Variants in ATG7 observed in about 807,000 individuals in gnomAD.
ATG7 encodes ubiquitin-like modifier-activating enzyme ATG7.
ATG7 carries 70 observed loss-of-function variants against 82.4 expected under a neutral mutation model. That is an observed-to-expected ratio of 0.85 (90% CI 0.70 to 1.04). The LOEUF is 1.04. Ranked by LOEUF, ATG7 falls within the 50% of genes least tolerant of loss-of-function variation. ATG7 has a pLI of 0.00. For missense variants in ATG7, 792 were observed against 864.3 expected (o/e 0.92, Z 1.05); for synonymous variants, 287 against 313.0 (o/e 0.92, Z 0.88).
intron 14 of ATG7, among the ~76,000 whole-genome samples, chr3:11,355,100 C>G (rs1488930216): frequency 6.6e-6 from 1 of 152,196 alleles, no homozygotes. Flanking sequence ...GAGTCTTTGA[C>G]TGAATAGCGA....
At chr3:11,552,372 G>T (rs189369021) in intron 20 of ATG7, among the ~76,000 whole-genome samples, 113 of 152,224 alleles carry the variant, frequency 7.4e-4, no homozygotes, top group African/African-American at 2.6e-3. Context: ...TTTTTAAAAT[G>T]TGCCAGTTTA....
chr3:11,324,956 C>T (rs1950658564), intron 9 of ATG7, among the ~76,000 whole-genome samples: 1 of 152,192 alleles, frequency 6.6e-6, no homozygotes, highest in Non-Finnish European at 1.5e-5. Context: ...ACATATACGG[C>T]AGTGGTTCCA....
rs141913304 is a variant in ATG7, at chr3:11,522,381, T to C, written c.2080-32430T>C. 6.4e-4 allele frequency among the ~76,000 whole-genome samples: 98 copies of C among 152,260 alleles called. 1 individual carries two copies. Among genetic ancestry groups the C allele is most frequent in the African/African-American group, 2.3e-3 (96 of 41,548 alleles). ...TGTGCCTTCATTCCTTTCTGCTAAC[T>C]ATAGGTGGGTTTACAGTAATTTGGA... On this transcript the variant is annotated intron_variant, in intron 20 of 20. Coordinates refer to ENST00000693202, the MANE Select transcript of ATG7 (RefSeq NM_001349232.2).
chr3:11,391,798 A>G (rs2152872592), intron 19 of ATG7, among the ~76,000 whole-genome samples: 1 of 152,298 alleles, frequency 6.6e-6, no homozygotes, highest in East Asian at 1.9e-4. Flanking sequence ...TTGGCTAGCA[A>G]GAGCGCTTCC....
At chr3:11,421,151 T>C (rs895646442) in intron 19 of ATG7, among the ~76,000 whole-genome samples, 3 of 152,206 alleles carry the variant, frequency 2.0e-5, no homozygotes, top group Non-Finnish European at 4.4e-5. Flanking sequence ...TTGATATTGA[T>C]GGTGGCCACC....
chr3:11,278,630 C>G (rs909976632), intron 1 of ATG7, among the ~76,000 whole-genome samples: 6 of 152,202 alleles, frequency 3.9e-5, no homozygotes, highest in Admixed American at 3.9e-4. Context: ...GGCACGGTTC[C>G]TTTCTCATAG....
intron 20 of ATG7, among the ~76,000 whole-genome samples, chr3:11,431,291 C>A (rs1329190039): frequency 6.6e-6 from 1 of 152,228 alleles, no homozygotes; most frequent in Non-Finnish European, 1.5e-5. Context: ...ATCCCAGCTA[C>A]TCGGGAGGCT....
At chr3:11,328,220 A>G (rs1165240818) in intron 9 of ATG7, among the ~76,000 whole-genome samples, 1 of 152,210 alleles carries the variant, frequency 6.6e-6, no homozygotes, top group Non-Finnish European at 1.5e-5. Context: ...GTATCAGCTC[A>G]TTTAATCCTC....
chr3:11,558,456 C>G, downstream of ATG7: 5 of 940,488 alleles, frequency 5.3e-6, no homozygotes, highest in African/African-American at 1.7e-5. Flanking sequence ...CCTTCCCTTC[C>G]CCCCACCCCA....
intron 20 of ATG7, among the ~76,000 whole-genome samples, chr3:11,443,970 G>A (rs1273379123): frequency 6.6e-6 from 1 of 152,152 alleles, no homozygotes; most frequent in Admixed American, 6.6e-5. Context: ...GAAGTAACTA[G>A]TAACTAGAAA....
chr3:11,451,667 C>T (rs181511403), intron 20 of ATG7, among the ~76,000 whole-genome samples: 1 of 151,626 alleles, frequency 6.6e-6, no homozygotes, highest in East Asian at 1.9e-4. Context: ...ACTCAGCAAA[C>T]GTTTGTTGTT....
chr3:11,375,833 A>G (rs2077379165), intron 18 of ATG7, among the ~76,000 whole-genome samples: 3 of 152,324 alleles, frequency 2.0e-5, no homozygotes, highest in Admixed American at 6.5e-5. Flanking sequence ...GCTGGGATTC[A>G]GGCGTGAGCC....
intron 20 of ATG7, among the ~76,000 whole-genome samples, chr3:11,486,713 T>C (rs1411987460): frequency 1.3e-5 from 2 of 152,216 alleles, no homozygotes; most frequent in East Asian, 1.9e-4. Flanking sequence ...ATATGTCCCA[T>C]CAGTACCTAA....
chr3:11,566,800 G>A, the ATG7 span, among the ~76,000 whole-genome samples: 30 of 152,168 alleles, frequency 2.0e-4, no homozygotes, highest in South Asian at 5.8e-3. Context: ...CTACGCACCC[G>A]CCCCTCCTCA....
Position 11,555,054 on chromosome 3 carries a change from C to A in ATG7, c.*211C>A. On this transcript the variant is annotated 3_prime_UTR_variant, in exon 21 of 21. Coordinates refer to ENST00000693202, the MANE Select transcript of ATG7 (RefSeq NM_001349232.2). ...CACCAGTTCAGAGCTAAATAATAAC[C>A]TTGGCCTTGGCCTTGCTATTGACCT... is the stretch of plus-strand genomic sequence containing the variant. The A allele has an allele frequency of 1.7e-6, 1 of 577,304 alleles. No individual in the cohort carries two copies. Among genetic ancestry groups the A allele is most frequent in the Non-Finnish European group, 3.0e-6 (1 of 338,042 alleles). 35.8% of individuals were successfully genotyped at this position (577,304 alleles called of 1,614,324 possible).
At chr3:11,442,836 G>A (rs185457489) in intron 20 of ATG7, among the ~76,000 whole-genome samples, 43 of 150,600 alleles carry the variant, frequency 2.9e-4, no homozygotes, top group Admixed American at 2.2e-3. Context: ...TGGGAAGATT[G>A]CTAGAGCCCA....
At chr3:11,378,015 T>C (rs1200626322) in intron 18 of ATG7, among the ~76,000 whole-genome samples, 3 of 147,630 alleles carry the variant, frequency 2.0e-5, no homozygotes, top group African/African-American at 5.1e-5. Flanking sequence ...ATCTAACTTA[T>C]ACCAGTTACC....
At chr3:11,477,351 A>C in intron 20 of ATG7, 1 of 1,104,252 alleles carries the variant, frequency 9.1e-7, no homozygotes, top group Non-Finnish European at 1.1e-6. Flanking sequence ...ACGTTCAGTA[A>C]TGAATGTAAG....
At chr3:11,569,782 G>A in the ATG7 span, among the ~76,000 whole-genome samples, 1 of 152,218 alleles carries the variant, frequency 6.6e-6, no homozygotes, top group African/African-American at 2.4e-5. Flanking sequence ...CTTGGAGGCT[G>A]AAGTGGGAGG....
Sources: allele counts gnomAD v4.1 joint callset (sites outside exome capture counted in the v4.1 genomes callset), GRCh38; gene constraint gnomAD v4.1.1; transcripts MANE v1.5; gene names NCBI Gene and HGNC (gene_info 2026-07-23, HGNC 2026-07-21).